Variants in SLC25A12 observed in about 807,000 individuals in gnomAD.
SLC25A12 encodes the protein electrogenic aspartate/glutamate antiporter SLC25A12, mitochondrial.
Under a neutral mutation model 83.3 loss-of-function variants are expected in SLC25A12, and 32 were observed. The observed-to-expected ratio is 0.38, with a 90% CI of 0.29 to 0.52. The LOEUF is 0.52. SLC25A12 is among the 20% of genes least tolerant of loss of function. The pLI is 0.84. For missense variants in SLC25A12, 611 were observed against 835.6 expected (o/e 0.73, Z 3.31); for synonymous variants, 267 against 291.1 (o/e 0.92, Z 0.84).
intron 2 of SLC25A12, among the ~76,000 whole-genome samples, chr2:171,876,974 A>C (rs1446925075): frequency 6.6e-6 from 1 of 152,222 alleles, no homozygotes; most frequent in Non-Finnish European, 1.5e-5. Flanking sequence ...TTCTTGATTA[A>C]ACTTTTTCCA....
chr2:171,878,058 G>C (rs1375902360), intron 2 of SLC25A12, among the ~76,000 whole-genome samples: 1 of 152,138 alleles, frequency 6.6e-6, no homozygotes, highest in Non-Finnish European at 1.5e-5. Flanking sequence ...AAAATCTGCT[G>C]AGATCAAATC....
intron 9 of SLC25A12, among the ~76,000 whole-genome samples, chr2:171,820,735 A>C (rs1222217327): frequency 2.0e-5 from 3 of 151,276 alleles, no homozygotes; most frequent in Non-Finnish European, 4.4e-5. Context: ...CTCAAAAAAA[A>C]AAAAAAAAAG....
At position 171,783,976 on chromosome 2, in the gene SLC25A12, G is replaced by A. The variant is rs1048690542; in HGVS notation, c.*1298C>T. Among the ~76,000 whole-genome samples the A allele has an allele frequency of 1.3e-5, 2 of 152,172 alleles. No homozygotes were observed. The highest frequency in any genetic ancestry group is 2.9e-5 in the Non-Finnish European group (2 of 68,038). On this transcript the variant is annotated 3_prime_UTR_variant, in exon 18 of 18. Transcript: ENST00000422440. ...ATTCTCATATCCCAGCTTACTGGCA[G>A]TAGCAATAATGTCTTCCCAGAGCAC...
At chr2:171,850,871 T>C (rs1684913477) in intron 4 of SLC25A12, among the ~76,000 whole-genome samples, 1 of 152,236 alleles carries the variant, frequency 6.6e-6, no homozygotes, top group South Asian at 2.1e-4. Flanking sequence ...ATAACAGTGG[T>C]TGTGCCTAAC....
At chr2:171,854,675 C>T (rs541702437) in intron 4 of SLC25A12, among the ~76,000 whole-genome samples, 1 of 152,174 alleles carries the variant, frequency 6.6e-6, no homozygotes, top group South Asian at 2.1e-4. Flanking sequence ...ATCAATGTCA[C>T]GCTAGAAAAT....
intron 3 of SLC25A12, among the ~76,000 whole-genome samples, chr2:171,863,887 T>A (rs1403377301): frequency 2.0e-5 from 3 of 152,180 alleles, no homozygotes; most frequent in African/African-American, 2.4e-5. Context: ...TTTGAGAGAG[T>A]AGACCTAAAA....
At chr2:171,815,697 A>C (rs1396254487) in intron 9 of SLC25A12, among the ~76,000 whole-genome samples, 2 of 152,288 alleles carry the variant, frequency 1.3e-5, no homozygotes, top group Non-Finnish European at 1.5e-5. Flanking sequence ...CCACAGTTCT[A>C]ACATAAAAAT....
intron 9 of SLC25A12, among the ~76,000 whole-genome samples, chr2:171,823,835 G>A (rs141283818): frequency 6.6e-6 from 1 of 152,106 alleles, no homozygotes; most frequent in Non-Finnish European, 1.5e-5. Context: ...TATGCCTACA[G>A]TCCCAGCTAT....
intron 4 of SLC25A12, among the ~76,000 whole-genome samples, chr2:171,849,167 G>A (rs1684859241): frequency 6.6e-6 from 1 of 152,122 alleles, no homozygotes. Flanking sequence ...TCCACCCTGG[G>A]CGACACAGCA....
intron 3 of SLC25A12, among the ~76,000 whole-genome samples, chr2:171,868,413 A>G (rs530551538): frequency 1.3e-5 from 2 of 149,632 alleles, no homozygotes; most frequent in East Asian, 4.0e-4. Flanking sequence ...TCCCGGATTC[A>G]AGCGATTCTC....
chr2:171,815,365 C>T (rs548141064), intron 9 of SLC25A12, among the ~76,000 whole-genome samples, 163 bp from the exon 10 acceptor site: 1 of 152,282 alleles, frequency 6.6e-6, no homozygotes, highest in South Asian at 2.1e-4. Flanking sequence ...ATTCATGCAG[C>T]CAAAAATGAA....
At chr2:171,876,683 A>C (rs556469127) in intron 2 of SLC25A12, among the ~76,000 whole-genome samples, 197 of 152,132 alleles carry the variant, frequency 1.3e-3, no homozygotes, top group Non-Finnish European at 2.1e-3. Context: ...TTGCCCCCCC[A>C]CACACACATA....
chr2:171,801,311 A>G (rs1424792570), intron 13 of SLC25A12, among the ~76,000 whole-genome samples: 3 of 152,190 alleles, frequency 2.0e-5, no homozygotes, highest in African/African-American at 7.2e-5. Flanking sequence ...AGCATATATT[A>G]GCTGTGTAAA....
intron 13 of SLC25A12, chr2:171,809,281 C>G (rs982199405): frequency 3.1e-6 from 1 of 319,938 alleles, no homozygotes; most frequent in Admixed American, 4.6e-5. Flanking sequence ...AATTGCCACA[C>G]TGTCTTCCAC....
intron 17 of SLC25A12, among the ~76,000 whole-genome samples, chr2:171,785,677 A>G (rs1690475030): frequency 6.6e-6 from 1 of 152,252 alleles, no homozygotes; most frequent in Admixed American, 6.5e-5. Flanking sequence ...TATTTGATTT[A>G]CAAGAGAAAT....
In SLC25A12 at chr2:171,844,448, TC is replaced by T; in HGVS notation, c.385del (p.Asp129IlefsTer48). Reference sequence around the variant, plus strand: ...AAAATGCAGTCGGATAAATTCACAATCCCAGTTAAAAGGGATATGATGATGA... The same window carrying T: ...AAAATGCAGTCGGATAAATTCACAATCCAGTTAAAAGGGATATGATGATGA... ...IIHHHIPFNW[D>X]CEFIRLHFGH... On this transcript the variant is annotated frameshift_variant, in exon 5 of 18. Transcript: ENST00000422440. LOFTEE classifies it high-confidence loss of function. 6.2e-7 allele frequency: 1 copy of T among 1,612,914 alleles called. No homozygotes were observed. The highest frequency in any genetic ancestry group is 8.5e-7 in the Non-Finnish European group (1 of 1,178,982).
At position 171,820,378 on chromosome 2, in the gene SLC25A12, G is replaced by GTCTA. The variant is rs369005721; in HGVS notation, c.931-5180_931-5177dup. On this transcript the variant is annotated intron_variant, in intron 9 of 17. Transcript: ENST00000422440. ...AGAAAGTACATATATACCCAAGCAG[G>GTCTA]TCTATCACAGATCATTTATCCCATA... 3.5e-3 allele frequency among the ~76,000 whole-genome samples: 529 copies of GTCTA among 152,116 alleles called. 3 individuals are homozygous for GTCTA. The highest frequency in any genetic ancestry group is 0.011 in the African/African-American group (441 of 41,480).
At chr2:171,882,306 G>A (rs977875434) in intron 2 of SLC25A12, among the ~76,000 whole-genome samples, 2 of 152,204 alleles carry the variant, frequency 1.3e-5, no homozygotes, top group Admixed American at 1.3e-4. Flanking sequence ...CAACTGAACA[G>A]TTCCAGAGGT....
At position 171,826,671 on chromosome 2, in the gene SLC25A12, A is replaced by G. The variant is rs1684305903; in HGVS notation, c.930+127T>C. The G allele has an allele frequency of 4.3e-6, 3 of 701,472 alleles. No individual in the cohort carries two copies. In the African/African-American group the frequency reaches 5.3e-5, roughly 12 times the overall value. 43.5% of individuals were successfully genotyped at this position (701,472 alleles called of 1,614,324 possible). A position where few individuals can be genotyped will look rare whatever the true frequency, so the allele number is the denominator to read the frequency against. ...AGTAGTTCTATAAAGGTAATCTTTA[A>G]GCTAAGTAAAGTCTTTCTCTGGAAA... On this transcript the variant is annotated intron_variant, in intron 9 of 17. Coordinates refer to ENST00000422440, the MANE Select transcript of SLC25A12 (RefSeq NM_003705.5).
Sources: allele counts gnomAD v4.1 joint callset (sites outside exome capture counted in the v4.1 genomes callset), GRCh38; gene constraint gnomAD v4.1.1; transcripts MANE v1.5; gene names NCBI Gene and HGNC (gene_info 2026-07-23, HGNC 2026-07-21).